Variants in SORBS2 observed in about 807,000 individuals in gnomAD.
SORBS2 encodes sorbin and SH3 domain-containing protein 2.
A neutral mutation model predicts 97.7 loss-of-function variants in SORBS2; 46 were observed. That is an observed-to-expected ratio of 0.47 (90% confidence interval 0.37 to 0.60). SORBS2 has a LOEUF of 0.60. SORBS2 is among the 20% of genes least tolerant of loss of function. The pLI is 0.00. For synonymous variants in SORBS2, 476 were observed against 473.4 expected (o/e 1.01, Z -0.07); for missense variants, 1,316 against 1,282.3 (o/e 1.03, Z -0.40).
intron 1 of SORBS2, among the ~76,000 whole-genome samples, chr4:185,880,633 T>A (rs6813169): frequency 0.22 from 33,531 of 152,218 alleles, 3,808 homozygotes; most frequent in Middle Eastern, 0.31. Flanking sequence ...TATTCATCAA[T>A]AACTAGGATA....
At chr4:185,686,329 A>C (rs760412417) in intron 2 of SORBS2, among the ~76,000 whole-genome samples, 8 of 152,188 alleles carry the variant, frequency 5.3e-5, no homozygotes, top group Non-Finnish European at 1.5e-5. Flanking sequence ...TAGAACTTAA[A>C]AGCAGTGGAG....
chr4:185,742,185 G>A (rs928991631), intron 2 of SORBS2, among the ~76,000 whole-genome samples: 7 of 152,210 alleles, frequency 4.6e-5, no homozygotes, highest in Admixed American at 1.3e-4. Context: ...CAACCCTTGA[G>A]AATCTTATTT....
intron 12 of SORBS2, among the ~76,000 whole-genome samples, chr4:185,594,749 G>A (rs2096044178): frequency 6.6e-6 from 1 of 152,110 alleles, no homozygotes; most frequent in South Asian, 2.1e-4. Flanking sequence ...CATGTTTGTT[G>A]AATATATAAA....
At chr4:185,921,468 T>A (rs1218534660) in intron 1 of SORBS2, among the ~76,000 whole-genome samples, 1 of 152,026 alleles carries the variant, frequency 6.6e-6, no homozygotes, top group African/African-American at 2.4e-5. Flanking sequence ...TTTTATTAAA[T>A]TTTTCCCTAT....
At chr4:185,794,000 T>A (rs935224440) in intron 1 of SORBS2, among the ~76,000 whole-genome samples, 1 of 152,202 alleles carries the variant, frequency 6.6e-6, no homozygotes, top group African/African-American at 2.4e-5. Flanking sequence ...TGGTGCAGAA[T>A]TGGAGGAGCC....
chr4:185,798,223 C>T (rs766535921), intron 1 of SORBS2, among the ~76,000 whole-genome samples: 1 of 152,184 alleles, frequency 6.6e-6, no homozygotes, highest in Non-Finnish European at 1.5e-5. Context: ...ATCCTCCCAC[C>T]ACTCTTTAGG....
intron 2 of SORBS2, 149 bp downstream of exon 11, chr4:185,651,635 C>T (rs567918542): frequency 9.0e-6 from 6 of 666,926 alleles, no homozygotes; most frequent in Non-Finnish European, 1.6e-5. Context: ...TTTTGTTATG[C>T]ACGCTCTGAG....
chr4:185,887,110 G>A (rs1329603469), intron 1 of SORBS2, among the ~76,000 whole-genome samples: 1 of 152,216 alleles, frequency 6.6e-6, no homozygotes, highest in Non-Finnish European at 1.5e-5. Context: ...GCCGGAAAAG[G>A]CATTTAGTAG....
intron 2 of SORBS2, among the ~76,000 whole-genome samples, chr4:185,705,797 T>C (rs935084772): frequency 1.3e-5 from 2 of 152,154 alleles, no homozygotes; most frequent in Non-Finnish European, 2.9e-5. Context: ...GCTTGAGGAT[T>C]CCCCTCATTT....
chr4:185,846,772 C>T (rs1183079012), intron 1 of SORBS2, among the ~76,000 whole-genome samples: 65 of 152,226 alleles, frequency 4.3e-4, no homozygotes, highest in Non-Finnish European at 4.4e-4. Context: ...TTATTTCTTT[C>T]CCCCTAGGCT....
chr4:185,832,679 T>C (rs1385594751), intron 1 of SORBS2, among the ~76,000 whole-genome samples: 1 of 152,230 alleles, frequency 6.6e-6, no homozygotes, highest in African/African-American at 2.4e-5. Flanking sequence ...ATGTGCACAG[T>C]TGTAACTTTT....
At chr4:185,823,100 C>T (rs1170849466) in intron 1 of SORBS2, among the ~76,000 whole-genome samples, 1 of 152,202 alleles carries the variant, frequency 6.6e-6, no homozygotes, top group Admixed American at 6.5e-5. Flanking sequence ...TACGTACTGA[C>T]TCTTCCCCTG....
rs113332899 is a variant in SORBS2 at position 185,746,705 on chromosome 4, G to A, written c.-198+28522C>T. Among the ~76,000 whole-genome samples the A allele has an allele frequency of 9.7e-4, 148 of 152,284 alleles. 1 individual carries two copies. The highest frequency in any genetic ancestry group is 3.4e-3 in the Middle Eastern group (1 of 294). The stretch of plus-strand genomic sequence containing the variant: ...GACAAGCTGAGAAATGCATCCTGTG[G>A]TTGACACATGGTGAGGAATACCCAA... On this transcript the variant is annotated intron_variant, in intron 2 of 20. Coordinates refer to the SORBS2 transcript ENST00000284776.
At chr4:185,675,080 G>A (rs1477561220) in intron 4 of SORBS2, 1 of 152,192 alleles carries the variant, frequency 6.6e-6, no homozygotes, top group Non-Finnish European at 1.5e-5. Flanking sequence ...AGCAGTGACA[G>A]GATCTCAAAT....
chr4:185,866,409 G>A (rs2149725111), intron 1 of SORBS2, among the ~76,000 whole-genome samples: 1 of 152,258 alleles, frequency 6.6e-6, no homozygotes, highest in East Asian at 1.9e-4. Context: ...TACTTAAATA[G>A]AACTGTCCCT....
intron 2 of SORBS2, among the ~76,000 whole-genome samples, chr4:185,767,242 T>G (rs911380078): frequency 2.0e-5 from 3 of 151,940 alleles, no homozygotes; most frequent in Non-Finnish European, 2.9e-5. Context: ...CTCAGGCCTG[T>G]AATCCCAGCA....
intron 1 of SORBS2, among the ~76,000 whole-genome samples, chr4:185,926,832 C>T (rs2099263941): frequency 6.6e-6 from 1 of 151,922 alleles, no homozygotes. Flanking sequence ...CACGGGCTCC[C>T]CTTACAGACT....
At chr4:185,626,370 T>A (rs547622016) in intron 6 of SORBS2, among the ~76,000 whole-genome samples, 16 of 152,340 alleles carry the variant, frequency 1.1e-4, no homozygotes, top group African/African-American at 3.1e-4. Context: ...CGGATTTTTT[T>A]AAAATCTAGA....
At chr4:185,677,072 A>C in intron 4 of SORBS2, 2 of 1,551,676 alleles carry the variant, frequency 1.3e-6, no homozygotes, top group Non-Finnish European at 1.7e-6. Flanking sequence ...GTATCTTTGC[A>C]GTCTCTGGAG....
Sources: gnomAD v4.1 joint callset for allele counts (sites outside exome capture counted in the v4.1 genomes callset) on GRCh38, gnomAD v4.1.1 for gene constraint, MANE v1.5 for transcripts, NCBI Gene and HGNC (gene_info 2026-07-23, HGNC 2026-07-21) for gene names.